The following DTNA variants were observed in gnomAD, a reference collection of about 807,000 sequenced individuals.
The protein encoded by DTNA is dystrophin-related protein 3.
Under a neutral mutation model 100.7 loss-of-function variants are expected in DTNA, and 43 were observed. The ratio of observed to expected loss-of-function variants is 0.43; its 90% CI spans 0.33 to 0.55. The LOEUF is 0.55. Ranked by LOEUF, DTNA falls within the 20% of genes least tolerant of loss-of-function variation. The pLI is 0.04. For synonymous variants in DTNA, 349 were observed against 347.9 expected (o/e 1.00, Z -0.04); for missense variants, 798 against 953.9 (o/e 0.84, Z 2.15).
intron 1 of DTNA, among the ~76,000 whole-genome samples, chr18:34,671,320 C>T (rs2076727924): frequency 6.6e-6 from 1 of 152,178 alleles, no homozygotes; most frequent in African/African-American, 2.4e-5. Context: ...TTTCCAGGTG[C>T]TGTCTGTCAC....
chr18:34,813,592 C>A (rs1014341750), intron 6 of DTNA, among the ~76,000 whole-genome samples: 6 of 152,232 alleles, frequency 3.9e-5, no homozygotes, highest in Admixed American at 3.3e-4. Context: ...AGGTGGCTCA[C>A]TCCTGTAAGC....
intron 3 of DTNA, among the ~76,000 whole-genome samples, chr18:34,793,570 A>G (rs1487015614): frequency 6.6e-6 from 1 of 152,186 alleles, no homozygotes; most frequent in Non-Finnish European, 1.5e-5. Flanking sequence ...TAAATACTCA[A>G]ATATAATTTG....
At chr18:34,541,976 T>A (rs2044287540) in intron 1 of DTNA, among the ~76,000 whole-genome samples, 1 of 151,996 alleles carries the variant, frequency 6.6e-6, no homozygotes, top group Admixed American at 6.6e-5. Context: ...ATAGAAAGTT[T>A]GTGCATGGGG....
intron 1 of DTNA, among the ~76,000 whole-genome samples, chr18:34,629,490 C>T (rs925430060): frequency 3.3e-5 from 5 of 152,108 alleles, no homozygotes; most frequent in African/African-American, 1.2e-4. Flanking sequence ...TCAGCCCTAG[C>T]TCGGAAGATA....
chr18:34,672,410 T>C (rs2145126052), intron 1 of DTNA, among the ~76,000 whole-genome samples: 1 of 152,292 alleles, frequency 6.6e-6, no homozygotes, highest in East Asian at 1.9e-4. Flanking sequence ...AAAAGTGTAT[T>C]CTAAGAAAGT....
chr18:34,674,450 A>G (rs928690816), intron 1 of DTNA, among the ~76,000 whole-genome samples: 3 of 152,296 alleles, frequency 2.0e-5, no homozygotes, highest in East Asian at 1.9e-4. Context: ...TCCAGCTTTT[A>G]AGTGTCCAAA....
At chr18:34,691,595 G>A (rs898127210) in intron 1 of DTNA, among the ~76,000 whole-genome samples, 2 of 152,186 alleles carry the variant, frequency 1.3e-5, no homozygotes, top group African/African-American at 4.8e-5. Context: ...TCTGTGTTCT[G>A]TATTCCTTAG....
chr18:34,719,679 G>A (rs113821614), intron 1 of DTNA, among the ~76,000 whole-genome samples: 1,529 of 152,190 alleles, frequency 0.01, 7 homozygotes, highest in Middle Eastern at 0.021. Flanking sequence ...AAGACTTTCC[G>A]GTATTTATGT....
At chr18:34,681,677 A>G (rs577331007) in intron 1 of DTNA, among the ~76,000 whole-genome samples, 1 of 150,796 alleles carries the variant, frequency 6.6e-6, no homozygotes, top group Non-Finnish European at 1.5e-5. Context: ...TACAGTTTTT[A>G]TATATCCCCC....
intron 1 of DTNA, among the ~76,000 whole-genome samples, chr18:34,610,933 G>C (rs946571377): frequency 1.3e-5 from 2 of 152,170 alleles, no homozygotes; most frequent in African/African-American, 4.8e-5. Context: ...GGGAAAGGCT[G>C]ATGTCACAAT....
At chr18:34,520,571 T>C (rs1297723978) in intron 1 of DTNA, among the ~76,000 whole-genome samples, 4 of 152,048 alleles carry the variant, frequency 2.6e-5, no homozygotes, top group African/African-American at 9.7e-5. Context: ...GAAGAGTTGC[T>C]TGAACGCTGG....
intron 1 of DTNA, among the ~76,000 whole-genome samples, chr18:34,602,698 C>CA (rs1265610804): frequency 2.7e-3 from 403 of 148,224 alleles, no homozygotes; most frequent in African/African-American, 8.1e-3. Context: ...CCTGTCTCTA[C>CA]AAAAAAAAAC....
At chr18:34,667,742 G>A (rs1009442117) in intron 1 of DTNA, among the ~76,000 whole-genome samples, 1 of 152,188 alleles carries the variant, frequency 6.6e-6, no homozygotes, top group African/African-American at 2.4e-5. Flanking sequence ...ATTTGCGTAT[G>A]TTGAACCAGC....
intron 3 of DTNA, among the ~76,000 whole-genome samples, chr18:34,766,972 A>G (rs1368919671): frequency 6.6e-6 from 1 of 152,174 alleles, no homozygotes; most frequent in Admixed American, 6.5e-5. Flanking sequence ...AGTAACAATG[A>G]GCAGTCTTAT....
At chr18:34,513,338 C>T (rs950250416) in intron 1 of DTNA, among the ~76,000 whole-genome samples, 1 of 152,110 alleles carries the variant, frequency 6.6e-6, no homozygotes. Flanking sequence ...TAGTTATGGT[C>T]ATAACATGTG....
At chr18:34,771,373 C>A (rs939705927) in intron 3 of DTNA, among the ~76,000 whole-genome samples, 3 of 152,022 alleles carry the variant, frequency 2.0e-5, no homozygotes, top group Admixed American at 6.5e-5. Flanking sequence ...GTGGCGGGCG[C>A]CTGCAGTCCC....
intron 1 of DTNA, among the ~76,000 whole-genome samples, chr18:34,559,303 T>G (rs567363239): frequency 6.6e-6 from 1 of 152,340 alleles, no homozygotes; most frequent in East Asian, 1.9e-4. Context: ...TACATTGCAA[T>G]TTCGCCAGGG....
chr18:34,820,027 C>T (rs1055550948), intron 8 of DTNA, among the ~76,000 whole-genome samples: 4 of 148,972 alleles, frequency 2.7e-5, no homozygotes, highest in Admixed American at 6.7e-5. Flanking sequence ...TTTGCACCAA[C>T]CTAATGTATG....
rs183141570 is a variant in DTNA at position 34,537,554 on chromosome 18, T to C, written c.-2+44040T>C. On this transcript the variant is annotated intron_variant, in intron 1 of 19. Transcript: ENST00000283365. ...AGCACATTTACAATCCCATATTCTC[T>C]ACAAAGAAAGTTGTAATTATCAGAA... Among the ~76,000 whole-genome samples the C allele has an allele frequency of 5.3e-5, 8 of 152,092 alleles. No homozygotes were observed. In the East Asian group the frequency reaches 1.6e-3, roughly 30 times the overall value.
Sources: allele counts gnomAD v4.1 joint callset (sites outside exome capture counted in the v4.1 genomes callset), GRCh38; gene constraint gnomAD v4.1.1; transcripts MANE v1.5; gene names NCBI Gene and HGNC (gene_info 2026-07-23, HGNC 2026-07-21).